Variants in PPM1H observed in about 807,000 individuals in gnomAD.
The protein encoded by PPM1H is protein phosphatase 1H.
PPM1H carries 27 observed loss-of-function variants against 54.9 expected under a neutral mutation model. The ratio of observed to expected loss-of-function variants is 0.49; its 90% CI spans 0.36 to 0.68. The LOEUF (loss-of-function observed/expected upper bound fraction) is 0.68. Among genes scored for constraint, PPM1H ranks in the 30% least tolerant of loss-of-function variants. The pLI is 0.00. For synonymous variants in PPM1H, 305 were observed against 270.8 expected (o/e 1.13, Z -1.24); for missense variants, 596 against 667.8 (o/e 0.89, Z 1.19).
intron 1 of PPM1H, among the ~76,000 whole-genome samples, chr12:62,883,789 C>A (rs749080121): frequency 6.6e-6 from 1 of 152,078 alleles, no homozygotes; most frequent in Non-Finnish European, 1.5e-5. Flanking sequence ...CTTGCCAGGA[C>A]CCAAACCAAC....
rs1185818647 is a variant in PPM1H, at chr12:62,648,360, T to C, written c.*129A>G. On this transcript the variant is annotated 3_prime_UTR_variant, in exon 10 of 10. Transcript: ENST00000228705. ...ATCTTGAAGCATAGTCTTTTGGCCA[T>C]GAACTCCCCGCTTGGGCTGGGAAGA... 8.2e-7 allele frequency: 1 copy of C among 1,222,300 alleles called. No individual in the cohort carries two copies. Among genetic ancestry groups the C allele is most frequent in the African/African-American group, 1.5e-5 (1 of 66,348 alleles). 75.7% of individuals were successfully genotyped at this position (1,222,300 alleles called of 1,614,324 possible).
chr12:62,919,023 AGT>A (rs1376757100), intron 1 of PPM1H, among the ~76,000 whole-genome samples: 1 of 152,220 alleles, frequency 6.6e-6, no homozygotes, highest in Non-Finnish European at 1.5e-5. Flanking sequence ...TCTCATCCAC[AGT>A]CAGTGGAGAT....
intron 2 of PPM1H, among the ~76,000 whole-genome samples, chr12:62,823,387 A>C (rs991223158): frequency 2.0e-5 from 3 of 152,164 alleles, no homozygotes; most frequent in Admixed American, 6.5e-5. Flanking sequence ...CTTCCTAACT[A>C]ATTTTATGAG....
chr12:62,835,749 C>T (rs917039679), intron 1 of PPM1H, among the ~76,000 whole-genome samples: 1 of 151,948 alleles, frequency 6.6e-6, no homozygotes, highest in Non-Finnish European at 1.5e-5. Context: ...AATGCCACAA[C>T]TCTTATCCCC....
intron 6 of PPM1H, among the ~76,000 whole-genome samples, chr12:62,718,051 A>T (rs1482305284): frequency 2.0e-5 from 3 of 152,204 alleles, no homozygotes; most frequent in African/African-American, 7.2e-5. Flanking sequence ...TTAAATGTGC[A>T]CATCAACTGT....
intron 9 of PPM1H, chr12:62,659,290 A>AAAG (rs878920391): frequency 8.3e-6 from 4 of 482,036 alleles, no homozygotes; most frequent in South Asian, 7.1e-5. Context: ...AAAAAAAAAA[A>AAAG]AGAGAAAAAC....
chr12:62,880,541 C>T (rs1870355179), intron 1 of PPM1H, among the ~76,000 whole-genome samples: 1 of 152,130 alleles, frequency 6.6e-6, no homozygotes, highest in South Asian at 2.1e-4. Context: ...AATCTGATTT[C>T]CCCCAGTGCA....
At chr12:62,750,305 C>T (rs976157231) in intron 4 of PPM1H, among the ~76,000 whole-genome samples, 1 of 152,204 alleles carries the variant, frequency 6.6e-6, no homozygotes, top group African/African-American at 2.4e-5. Flanking sequence ...TAAGCCCTTG[C>T]AAATACTAAT....
chr12:62,747,734 C>T (rs538240113), intron 4 of PPM1H, among the ~76,000 whole-genome samples: 5 of 152,270 alleles, frequency 3.3e-5, no homozygotes, highest in African/African-American at 1.2e-4. Flanking sequence ...AGACAAAATC[C>T]CAAAATTCAC....
At chr12:62,916,913 A>G (rs1015662161) in intron 1 of PPM1H, among the ~76,000 whole-genome samples, 9 of 138,074 alleles carry the variant, frequency 6.5e-5, no homozygotes, top group Non-Finnish European at 1.4e-4. Context: ...ACAGACCACT[A>G]GTTACCCTCT....
intron 4 of PPM1H, among the ~76,000 whole-genome samples, chr12:62,751,035 A>G (rs997724722): frequency 2.0e-5 from 3 of 152,236 alleles, no homozygotes; most frequent in Non-Finnish European, 4.4e-5. Flanking sequence ...CCTCATGGCA[A>G]GTAGCCAGAC....
chr12:62,786,379 C>A (rs2076671552), intron 4 of PPM1H, among the ~76,000 whole-genome samples: 1 of 152,326 alleles, frequency 6.6e-6, no homozygotes, highest in Middle Eastern at 3.4e-3. Flanking sequence ...TTCCATCTGT[C>A]CCCATCCTGG....
At chr12:62,905,930 C>T (rs1245772574) in intron 1 of PPM1H, among the ~76,000 whole-genome samples, 2 of 152,082 alleles carry the variant, frequency 1.3e-5, no homozygotes, top group Non-Finnish European at 2.9e-5. Flanking sequence ...GAGATGCCAG[C>T]CAAGCAAAAC....
intron 1 of PPM1H, among the ~76,000 whole-genome samples, chr12:62,906,599 G>A (rs1228896841): frequency 1.3e-5 from 2 of 152,118 alleles, no homozygotes; most frequent in East Asian, 1.9e-4. Context: ...CATAAAGTGG[G>A]TCACCAACAT....
intron 9 of PPM1H, among the ~76,000 whole-genome samples, chr12:62,649,343 A>G (rs1437166778): frequency 6.6e-6 from 1 of 152,148 alleles, no homozygotes; most frequent in Non-Finnish European, 1.5e-5. Context: ...TTTGAAAATA[A>G]GATTGCTGAG....
intron 8 of PPM1H, among the ~76,000 whole-genome samples, chr12:62,684,339 A>C (rs1050750873): frequency 6.6e-6 from 1 of 152,184 alleles, no homozygotes; most frequent in African/African-American, 2.4e-5. Flanking sequence ...AGAGAAGCTC[A>C]GCAAACCTGG....
At chr12:62,868,771 G>A (rs914673201) in intron 1 of PPM1H, among the ~76,000 whole-genome samples, 2 of 151,412 alleles carry the variant, frequency 1.3e-5, no homozygotes, top group African/African-American at 4.8e-5. Flanking sequence ...CACACAAATG[G>A]GTGCGCACGA....
chr12:62,757,967 G>T (rs2076485726), intron 4 of PPM1H, among the ~76,000 whole-genome samples: 1 of 152,156 alleles, frequency 6.6e-6, no homozygotes, highest in African/African-American at 2.4e-5. Flanking sequence ...TTAGGAGTGA[G>T]GTTTAGAAGG....
chr12:62,910,486 T>C (rs946679774), intron 1 of PPM1H, among the ~76,000 whole-genome samples: 10 of 152,120 alleles, frequency 6.6e-5, no homozygotes, highest in African/African-American at 2.4e-4. Flanking sequence ...TTTCTCTATT[T>C]CTTTTTTTTT....
Sources: gnomAD v4.1 joint callset for allele counts (sites outside exome capture counted in the v4.1 genomes callset) on GRCh38, gnomAD v4.1.1 for gene constraint, MANE v1.5 for transcripts, NCBI Gene and HGNC (gene_info 2026-07-23, HGNC 2026-07-21) for gene names.